The following LEPR variants were observed in gnomAD, a reference collection of about 807,000 sequenced individuals.
LEPR encodes the protein leptin receptor, also known as OB receptor.
In LEPR, 56 loss-of-function variants were observed where a neutral mutation model predicts 114.7. That is an observed-to-expected ratio of 0.49 (90% confidence interval 0.39 to 0.61). The LOEUF (loss-of-function observed/expected upper bound fraction) is 0.61. Among genes scored for constraint, LEPR ranks in the 20% least tolerant of loss-of-function variants. The pLI, the probability that LEPR is intolerant of heterozygous loss-of-function variation, is 0.00. For synonymous variants in LEPR, 443 were observed against 461.4 expected (o/e 0.96, Z 0.51); for missense variants, 1,202 against 1,352.9 (o/e 0.89, Z 1.75).
chr1:65,471,523 G>A (rs568516939), intron 2 of LEPR, among the ~76,000 whole-genome samples: 2 of 152,342 alleles, frequency 1.3e-5, no homozygotes, highest in Admixed American at 6.5e-5. Context: ...TACAATGTTT[G>A]TGTTGCTCAT....
intron 14 of LEPR, among the ~76,000 whole-genome samples, chr1:65,613,940 G>T (rs1274630781): frequency 6.6e-6 from 1 of 151,314 alleles, no homozygotes; most frequent in Non-Finnish European, 1.5e-5. Flanking sequence ...AAAAAAACCT[G>T]ACAATACAAA....
In LEPR at chr1:65,421,208, G is replaced by C. The variant is rs1302833686; in HGVS notation, c.-97+468G>C. The C allele has an allele frequency of 2.0e-5, 21 of 1,065,966 alleles. No homozygotes were observed. In the East Asian group the frequency reaches 5.6e-4, roughly 28 times the overall value. 66.0% of individuals were successfully genotyped at this position (1,065,966 alleles called of 1,614,324 possible). A position where few individuals can be genotyped will look rare whatever the true frequency, so the allele number is the denominator to read the frequency against. On this transcript the variant is annotated intron_variant, in intron 1 of 19. Transcript: ENST00000349533. Reference sequence around the variant, plus strand: ...ATGATTTTTCCAACTGGGCAGAGTTGACCGCGGGCGGGTGTCAATGGAAAG... The same window carrying C: ...ATGATTTTTCCAACTGGGCAGAGTTCACCGCGGGCGGGTGTCAATGGAAAG...
Position 65,491,024 on chromosome 1 carries a change from T to C in LEPR, c.-21+65646T>C, listed in dbSNP as rs1647840684. Among the ~76,000 whole-genome samples, 3 of 152,242 alleles carry C rather than the reference T, an allele frequency of 2.0e-5. No homozygotes were observed. In the South Asian group the frequency reaches 6.2e-4, roughly 32 times the overall value. On this transcript the variant is annotated intron_variant, in intron 2 of 19. Coordinates refer to ENST00000349533, the MANE Select transcript of LEPR (RefSeq NM_002303.6). ...TTTTAATAATGGGAGAGAATGCTAT[T>C]TGGAAATCAGAGGATTGAATGGATC... is the stretch of plus-strand genomic sequence containing the variant.
At chr1:65,490,770 C>T (rs796339973) in intron 2 of LEPR, among the ~76,000 whole-genome samples, 8 of 152,248 alleles carry the variant, frequency 5.3e-5, no homozygotes, top group African/African-American at 1.4e-4. Context: ...TGTTAGCCAG[C>T]GGCTAGGCCT....
intron 2 of LEPR, chr1:65,432,479 A>T (rs1570437334): frequency 1.7e-6 from 1 of 592,534 alleles, no homozygotes; most frequent in Non-Finnish European, 2.1e-6. Context: ...AAGCATCATC[A>T]TAGAGAAGTA....
At chr1:65,483,053 G>A (rs1400972509) in intron 2 of LEPR, among the ~76,000 whole-genome samples, 1 of 151,874 alleles carries the variant, frequency 6.6e-6, no homozygotes, top group Non-Finnish European at 1.5e-5. Flanking sequence ...GTGACTTGGG[G>A]CAGGGAAATA....
At chr1:65,487,975 TTCTC>T (rs1314114919) in intron 2 of LEPR, among the ~76,000 whole-genome samples, 3 of 151,182 alleles carry the variant, frequency 2.0e-5, no homozygotes, top group Non-Finnish European at 3.0e-5. Context: ...CTTTCTTTCC[TTCTC>T]TCTTTCTTTC....
chr1:65,460,149 A>G (rs1487052413), intron 2 of LEPR, among the ~76,000 whole-genome samples: 1 of 152,092 alleles, frequency 6.6e-6, no homozygotes, highest in Admixed American at 6.6e-5. Flanking sequence ...CAATAAGAAG[A>G]GTACCCGGCA....
At chr1:65,424,266 A>G (rs1480956207) in intron 1 of LEPR, among the ~76,000 whole-genome samples, 1 of 152,262 alleles carries the variant, frequency 6.6e-6, no homozygotes, top group Non-Finnish European at 1.5e-5. Flanking sequence ...CTACAAAGAC[A>G]TGAAAACAAT....
chr1:65,474,266 C>T (rs1483433200), intron 2 of LEPR, among the ~76,000 whole-genome samples: 1 of 152,198 alleles, frequency 6.6e-6, no homozygotes, highest in Non-Finnish European at 1.5e-5. Flanking sequence ...TAACTAACTT[C>T]TAAAATGGAA....
At chr1:65,508,344 A>G (rs548385840) in intron 2 of LEPR, among the ~76,000 whole-genome samples, 1 of 152,262 alleles carries the variant, frequency 6.6e-6, no homozygotes, top group African/African-American at 2.4e-5. Flanking sequence ...TCTTTAATCC[A>G]TTTTGAGTTG....
At chr1:65,553,386 C>T (rs1466402562) in intron 2 of LEPR, among the ~76,000 whole-genome samples, 1 of 152,006 alleles carries the variant, frequency 6.6e-6, no homozygotes, top group Admixed American at 6.6e-5. Context: ...TCACATAGTC[C>T]CATATTTCTT....
chr1:65,633,001 C>G lies in LEPR; in HGVS notation c.2674-3190C>G, dbSNP rs1658585136. 9.5e-6 allele frequency: 6 copies of G among 629,550 alleles called. No homozygotes were observed. The highest frequency in any genetic ancestry group is 1.6e-5 in the Non-Finnish European group (6 of 369,160). 39.0% of individuals were successfully genotyped at this position (629,550 alleles called of 1,614,324 possible). On this transcript the variant is annotated intron_variant, in intron 19 of 19. Transcript: ENST00000349533. The surrounding 1 kb of genome is among the most constrained non-coding windows in gnomAD (Gnocchi z 4.1). ...AAGCCACCTTAGTTCAAAATTTTGC[C>G]CTTTCCCAAAAGGATGCATTATTGT...
chr1:65,488,190 T>TTCTTTCTTTCTTTC (rs1557620007), intron 2 of LEPR, among the ~76,000 whole-genome samples: 50 of 21,970 alleles, frequency 2.3e-3, no homozygotes, highest in Non-Finnish European at 3.9e-3. Context: ...CTTTCTTTCT[T>TTCTTTCTTTCTTTC]TCTTTCTTTC....
chr1:65,489,940 T>C (rs1647777365), intron 2 of LEPR, among the ~76,000 whole-genome samples: 1 of 152,106 alleles, frequency 6.6e-6, no homozygotes, highest in Non-Finnish European at 1.5e-5. Flanking sequence ...ATAAGCCAAG[T>C]TTATACTTGA....
At chr1:65,436,253 G>A (rs1646561400) in intron 2 of LEPR, among the ~76,000 whole-genome samples, 1 of 152,178 alleles carries the variant, frequency 6.6e-6, no homozygotes, top group Non-Finnish European at 1.5e-5. Context: ...GGTGGACATG[G>A]AAGATTGGAA....
chr1:65,463,852 G>C (rs1173933787), intron 2 of LEPR, among the ~76,000 whole-genome samples: 1 of 152,112 alleles, frequency 6.6e-6, no homozygotes, highest in Non-Finnish European at 1.5e-5. Flanking sequence ...AGGAGTTCTT[G>C]TGATTTTTTG....
At chr1:65,621,909 C>A (rs891695817) in intron 18 of LEPR, among the ~76,000 whole-genome samples, 1 of 151,800 alleles carries the variant, frequency 6.6e-6, no homozygotes, top group African/African-American at 2.4e-5. Flanking sequence ...ATCTTTCCAG[C>A]TGGATGGGGA....
At chr1:65,553,606 G>A (rs920292136) in intron 2 of LEPR, among the ~76,000 whole-genome samples, 11 of 151,808 alleles carry the variant, frequency 7.2e-5, no homozygotes, top group South Asian at 2.1e-4. Flanking sequence ...TTTCTAGTTC[G>A]CAATTCCTCT....
Sources: gnomAD v4.1 joint callset for allele counts (sites outside exome capture counted in the v4.1 genomes callset) on GRCh38, gnomAD v4.1.1 for gene constraint, Gnocchi (gnomAD v3.1) non-coding constraint, MANE v1.5 for transcripts, NCBI Gene and HGNC (gene_info 2026-07-23, HGNC 2026-07-21) for gene names.